The following STAG3 variants were observed in gnomAD, a reference collection of about 807,000 sequenced individuals.
STAG3 encodes the protein cohesin subunit SA-3.
STAG3 carries 101 observed loss-of-function variants against 160.7 expected under a neutral mutation model. That is an observed-to-expected ratio of 0.63 (90% CI 0.54 to 0.74). The LOEUF is 0.74. Among genes scored for constraint, STAG3 ranks in the 30% least tolerant of loss-of-function variants. STAG3 has a pLI of 0.00. For missense variants in STAG3, 1,188 were observed against 1,517.4 expected, an observed-to-expected ratio of 0.78 and a Z score of 3.61; for synonymous variants, 519 against 585.0, an observed-to-expected ratio of 0.89 and a Z score of 1.63.
At chr7:100,213,507 T>G (rs1802467198) in intron 32 of STAG3, 1 of 985,260 alleles carries the variant, frequency 1.0e-6, no homozygotes, top group African/African-American at 1.7e-5. Flanking sequence ...ATCCGTTTTC[T>G]GGTTTCCAAA....
At position 100,189,524 on chromosome 7, in the gene STAG3, G is replaced by A. The variant is rs1442382624; in HGVS notation, c.795G>A (p.Glu265=). 1.2e-6 allele frequency: 2 copies of A among 1,614,032 alleles called. No individual in the cohort carries two copies. The highest frequency in any genetic ancestry group is 1.7e-6 in the Non-Finnish European group (2 of 1,180,014). The change falls in exon 8 of 34, where the codon GAG becomes GAA. Residue 265 remains glutamate (E), a synonymous_variant. Transcript: ENST00000615138. ...AAGATAACAATCAGCGTCAGTATGA[G>A]GCTGAAAGAAACAAGGGGCCAGGGC... The part of the protein sequence containing the change: ...VHQDNNQRQY[E]AERNKGPGQR...
chr7:100,197,150 G>A lies in STAG3; in HGVS notation c.942-6G>A. 6.3e-7 allele frequency: 1 copy of A among 1,598,740 alleles called. No homozygotes were observed. Among genetic ancestry groups the A allele is most frequent in the South Asian group, 1.1e-5 (1 of 90,120 alleles). ...TCTAAGAGTCAACTTATCTGTCTGT[G>A]TCTAGGGATGTCCTTCCTGAGATCC... On this transcript the variant is annotated splice_polypyrimidine_tract_variant and splice_region_variant and intron_variant, in intron 9 of 33. Transcript: ENST00000615138.
rs1156836086 is a variant in STAG3, at chr7:100,201,071, G to T, written c.2062-19G>T. ...GAGTTCTGGGGGAAATGCTATTGTG[G>T]ATCTTCTTTCCTTCTCAGTCGTCCT... On this transcript the variant is annotated intron_variant, in intron 19 of 33. Transcript: ENST00000615138. 2 of 1,614,104 alleles carry T rather than the reference G, an allele frequency of 1.2e-6. No homozygotes were observed. The highest frequency in any genetic ancestry group is 8.5e-7 in the Non-Finnish European group (1 of 1,180,004).
chr7:100,199,663 G>T lies in STAG3; in HGVS notation c.1677+19G>T. 1 of 1,552,808 alleles carries T rather than the reference G, an allele frequency of 6.4e-7. No homozygotes were observed. The highest frequency in any genetic ancestry group is 8.7e-7 in the Non-Finnish European group (1 of 1,145,006). ...GAGGAAGGTATGGTGTGAGGGTAGA[G>T]TGGGTAGGTCAGCAATACTCAGTCT... On this transcript the variant is annotated intron_variant, in intron 16 of 33. Transcript: ENST00000615138.
chr7:100,181,067 G>A (rs1799618104), intron 2 of STAG3, among the ~76,000 whole-genome samples: 1 of 151,996 alleles, frequency 6.6e-6, no homozygotes, highest in African/African-American at 2.4e-5. Context: ...ACCCTGGTGG[G>A]GGCTGAGAGC....
chr7:100,215,524 GGAACAGAGTGGGA>G (rs1353972856), downstream of STAG3, among the ~76,000 whole-genome samples: 1 of 152,174 alleles, frequency 6.6e-6, no homozygotes, highest in East Asian at 1.9e-4. Context: ...GTGGGATGAG[GGAACAGAGTGGGA>G]GAACTGAGGA....
At chr7:100,203,241 A>G (rs1465416964) in intron 25 of STAG3, among the ~76,000 whole-genome samples, 2 of 150,542 alleles carry the variant, frequency 1.3e-5, no homozygotes, top group East Asian at 1.9e-4. Context: ...CTAGAATGCA[A>G]TGGCACTATC....
At chr7:100,185,754 C>G (rs1466414046) in intron 4 of STAG3, among the ~76,000 whole-genome samples, 2 of 152,116 alleles carry the variant, frequency 1.3e-5, no homozygotes, top group Non-Finnish European at 2.9e-5. Context: ...CCACTGTACC[C>G]TCAGGTCATA....
downstream of STAG3, among the ~76,000 whole-genome samples, chr7:100,216,891 T>C (rs538812846): frequency 6.6e-6 from 1 of 152,316 alleles, no homozygotes; most frequent in Non-Finnish European, 1.5e-5. Context: ...TACCGCTTTT[T>C]AAATAGATCC....
rs779930930 is a variant in STAG3, at chr7:100,202,591, G to GTACA, written c.2700+2_2700+5dup. Reference sequence around the variant, plus strand: ...AGATGTTTTCAAACACTACAACAAGGTACACCAAGGCCCTACAGAAATAAA... The same window carrying GTACA: ...AGATGTTTTCAAACACTACAACAAGGTACATACACCAAGGCCCTACAGAAATAAA... On this transcript the variant is annotated splice_donor_variant, in intron 25 of 33. Coordinates refer to ENST00000615138, the MANE Select transcript of STAG3 (RefSeq NM_001282717.2). LOFTEE classifies it high-confidence loss of function. The GTACA allele has an allele frequency of 6.2e-7, 1 of 1,612,470 alleles. No individual in the cohort carries two copies. The highest frequency in any genetic ancestry group is 8.5e-7 in the Non-Finnish European group (1 of 1,179,524).
intron 32 of STAG3, chr7:100,213,482 A>T (rs1052680150): frequency 2.0e-6 from 2 of 984,894 alleles, no homozygotes; most frequent in Non-Finnish European, 2.4e-6. Flanking sequence ...ATTATTTCCT[A>T]ACATCTCAGA....
chr7:100,182,953 A>G, intron 4 of STAG3, 114 bp downstream of exon 4: 1 of 1,214,972 alleles, frequency 8.2e-7, no homozygotes, highest in Non-Finnish European at 1.2e-6. Context: ...ACATGTCAAG[A>G]AAGATAAGGT....
chr7:100,209,794 G>A (rs1215786212), intron 29 of STAG3, among the ~76,000 whole-genome samples: 7 of 152,356 alleles, frequency 4.6e-5, no homozygotes, highest in Admixed American at 3.9e-4. Flanking sequence ...GATGTGGGAT[G>A]TAAGACAAAA....
chr7:100,215,921 G>A (rs933736424), downstream of STAG3, among the ~76,000 whole-genome samples: 3 of 152,122 alleles, frequency 2.0e-5, no homozygotes, highest in Non-Finnish European at 4.4e-5. Flanking sequence ...CCTGTACCTG[G>A]GTTCACACTT....
chr7:100,192,042 A>T (rs73159753), intron 8 of STAG3, among the ~76,000 whole-genome samples: 1 of 152,218 alleles, frequency 6.6e-6, no homozygotes. Flanking sequence ...AATTGCAGCA[A>T]TTCAGCCACA....
intron 29 of STAG3, among the ~76,000 whole-genome samples, chr7:100,206,817 A>C (rs1801697904): frequency 6.6e-6 from 1 of 152,208 alleles, no homozygotes; most frequent in African/African-American, 2.4e-5. Context: ...ACTGAATTGT[A>C]CAACCATCAC....
chr7:100,183,211 G>A (rs545230317), intron 4 of STAG3, among the ~76,000 whole-genome samples: 6 of 151,988 alleles, frequency 3.9e-5, no homozygotes, highest in African/African-American at 1.2e-4. Flanking sequence ...ATGGGGTTTC[G>A]CCATGTTGGC....
intron 3 of STAG3, 89 bp downstream of exon 3, chr7:100,182,281 C>A: frequency 2.1e-6 from 2 of 943,170 alleles, no homozygotes; most frequent in Non-Finnish European, 3.3e-6. Context: ...ATGGCGTGAA[C>A]CCAGGGGGCA....
At position 100,204,635 on chromosome 7, in the gene STAG3, AGAAC is replaced by A. The variant is rs1341848292; in HGVS notation, c.2812_2815del (p.Glu938CysfsTer10). ...ATGTCTCCTGGACACAGCTGTACAC[AGAAC>A]TGCTGCAGGAGCATGGGCCCCAGGG... On this transcript the variant is annotated frameshift_variant, in exon 27 of 34. Coordinates refer to ENST00000615138, the MANE Select transcript of STAG3 (RefSeq NM_001282717.2). LOFTEE classifies it high-confidence loss of function. 2 of 1,614,108 alleles carry A rather than the reference AGAAC, an allele frequency of 1.2e-6. No individual in the cohort carries two copies. Among genetic ancestry groups the A allele is most frequent in the Non-Finnish European group, 1.7e-6 (2 of 1,180,012 alleles).
Sources: allele counts gnomAD v4.1 joint callset (sites outside exome capture counted in the v4.1 genomes callset), GRCh38; gene constraint gnomAD v4.1.1; transcripts MANE v1.5; gene names NCBI Gene and HGNC (gene_info 2026-07-23, HGNC 2026-07-21).